Variants in FSD2 observed in about 807,000 individuals in gnomAD.
FSD2 encodes the protein fibronectin type III and SPRY domain containing 2, also known as fibronectin type III and SPRY domain-containing protein 2.
In FSD2, 71 loss-of-function variants were observed where a neutral mutation model predicts 80.4. The ratio of observed to expected loss-of-function variants is 0.88; its 90% CI spans 0.73 to 1.08. The LOEUF (loss-of-function observed/expected upper bound fraction) is 1.08, where lower values mean the gene tolerates loss of function less well. FSD2 is among the 50% of genes least tolerant of loss of function. FSD2 has a pLI of 0.00. For missense variants in FSD2, 923 were observed against 913.8 expected, an observed-to-expected ratio of 1.01 and a Z score of -0.13; for synonymous variants, 361 against 329.5, an observed-to-expected ratio of 1.10 and a Z score of -1.03.
intron 6 of FSD2, 142 bp downstream of exon 6, chr15:82,778,624 A>G: frequency 1.1e-6 from 1 of 909,568 alleles, no homozygotes. Context: ...TGTACAACAC[A>G]GTACCTGTAT....
intron 3 of FSD2, among the ~76,000 whole-genome samples, chr15:82,784,015 A>G (rs951240341): frequency 1.3e-5 from 2 of 152,296 alleles, no homozygotes; most frequent in Non-Finnish European, 1.5e-5. Context: ...TGTCATCCTC[A>G]TCAGATGATG....
Position 82,778,788 on chromosome 15 carries a change from C to G in FSD2, c.1089G>C (p.Met363Ile). 6.2e-7 allele frequency: 1 copy of G among 1,612,778 alleles called. No homozygotes were observed. Among genetic ancestry groups the G allele is most frequent in the South Asian group, 1.1e-5 (1 of 90,874 alleles). The part of the protein sequence containing the change: ...TLDFSDVEQL[M>I]GSINTIPAPS... ...CACCTGGAATGGTGTTAATGGAGCC[C>G]ATCAGCTGCTCCACATCAGAGAAAT... The change falls in exon 6 of 13, where the codon ATG becomes ATC. Residue 363 changes from methionine (M) to isoleucine (I), a missense_variant. Transcript: ENST00000334574.
chr15:82,762,078 G>T (rs778568712), intron 12 of FSD2, 24 bp downstream of exon 12: 7 of 1,538,596 alleles, frequency 4.5e-6, no homozygotes, highest in South Asian at 1.2e-5. Context: ...AATTTTAATT[G>T]TGAGTATCCA....
intron 1 of FSD2, among the ~76,000 whole-genome samples, chr15:82,789,128 C>G (rs2151524538): frequency 6.6e-6 from 1 of 152,010 alleles, no homozygotes; most frequent in East Asian, 1.9e-4. Context: ...TTTTAAGTAG[C>G]AAAAACTTTT....
chr15:82,756,062 A>C lies in FSD2; in HGVS notation c.*3286T>G, dbSNP rs538187875. On this transcript the variant is annotated 3_prime_UTR_variant, in exon 13 of 13. Coordinates refer to ENST00000334574, the MANE Select transcript of FSD2 (RefSeq NM_001007122.4). ...AAATAAATTCAAGACCTACTTATCT[A>C]CCAACAGCAATTACACGCTTTCCAT... The C allele has an allele frequency of 8.8e-5, 43 of 489,628 alleles. No homozygotes were observed. The highest frequency in any genetic ancestry group is 1.6e-4 in the Non-Finnish European group (39 of 242,356). The allele number at this position is 489,628 out of a possible 1,614,324, so 30.3% of individuals were successfully genotyped here. A position where few individuals can be genotyped will look rare whatever the true frequency, so the allele number is the denominator to read the frequency against.
At chr15:82,774,619 A>G (rs1337973464) in intron 6 of FSD2, among the ~76,000 whole-genome samples, 1 of 152,186 alleles carries the variant, frequency 6.6e-6, no homozygotes, top group Non-Finnish European at 1.5e-5. Context: ...CTAAAAACAG[A>G]TACCCAGGAG....
intron 1 of FSD2, among the ~76,000 whole-genome samples, chr15:82,790,602 G>C (rs2050121371): frequency 6.6e-6 from 1 of 151,778 alleles, no homozygotes; most frequent in African/African-American, 2.4e-5. Flanking sequence ...TTGAGACAGA[G>C]TCTCACTCTG....
At position 82,769,820 on chromosome 15, in the gene FSD2, A is replaced by C; in HGVS notation, c.1332T>G (p.Tyr444Ter). 6.2e-7 allele frequency: 1 copy of C among 1,613,868 alleles called. No homozygotes were observed. The highest frequency in any genetic ancestry group is 1.1e-5 in the South Asian group (1 of 91,078). Residue 444 changes from tyrosine (Y) to a stop codon, truncating the protein, a stop_gained, in exon 8 of 13, where the codon TAT becomes TAG. Coordinates refer to ENST00000334574, the MANE Select transcript of FSD2 (RefSeq NM_001007122.4). LOFTEE classifies it high-confidence loss of function. The part of the protein sequence containing the change: ...SVTNLVPNTQ[Y>*]EFWVTAHNRA... ...TGTTGTGAGCTGTGACCCAAAATTCATACTGGGTATTTGGCACAAGGTTTG... is the reference window on the plus strand; with the variant it reads ...TGTTGTGAGCTGTGACCCAAAATTCCTACTGGGTATTTGGCACAAGGTTTG...
chr15:82,790,828 G>A (rs1185615698), intron 1 of FSD2, among the ~76,000 whole-genome samples: 1 of 148,722 alleles, frequency 6.7e-6, no homozygotes, highest in Admixed American at 6.8e-5. Flanking sequence ...CTCGTGATCC[G>A]CCCACCTCGG....
At chr15:82,793,150 C>A (rs1221018074) in intron 1 of FSD2, among the ~76,000 whole-genome samples, 1 of 152,028 alleles carries the variant, frequency 6.6e-6, no homozygotes, top group African/African-American at 2.4e-5. Flanking sequence ...GGCTGGAGTG[C>A]AGTGGCACAA....
intron 6 of FSD2, among the ~76,000 whole-genome samples, chr15:82,774,004 G>C (rs2049652083): frequency 6.6e-6 from 1 of 152,128 alleles, no homozygotes; most frequent in Admixed American, 6.5e-5. Flanking sequence ...TGGTGAGAAG[G>C]GGAAAGCAAG....
chr15:82,785,173 AC>A (rs1270039202), intron 3 of FSD2, among the ~76,000 whole-genome samples: 4 of 152,046 alleles, frequency 2.6e-5, no homozygotes, highest in East Asian at 1.9e-4. Flanking sequence ...TCACATTCTT[AC>A]CCATGTCAAG....
chr15:82,773,678 G>A (rs1234248047), intron 6 of FSD2, among the ~76,000 whole-genome samples: 1 of 152,060 alleles, frequency 6.6e-6, no homozygotes, highest in Non-Finnish European at 1.5e-5. Context: ...ATCTCTCCTT[G>A]ACCCAGTGAT....
At chr15:82,778,153 T>TATATAC (rs2049766047) in intron 6 of FSD2, among the ~76,000 whole-genome samples, 1 of 138,312 alleles carries the variant, frequency 7.2e-6, no homozygotes, top group Non-Finnish European at 1.5e-5. Flanking sequence ...TATATATATA[T>TATATAC]ATATAATAAC....
chr15:82,770,394 G>A (rs1002261674), intron 7 of FSD2, among the ~76,000 whole-genome samples: 10 of 152,208 alleles, frequency 6.6e-5, no homozygotes, highest in Admixed American at 6.5e-5. Context: ...TAATAGGGCC[G>A]GGCGCGGTAG....
intron 7 of FSD2, among the ~76,000 whole-genome samples, chr15:82,771,592 C>T (rs1533136): frequency 0.48 from 72,306 of 152,106 alleles, 17,194 homozygotes; most frequent in Admixed American, 0.51. Flanking sequence ...CTCCTGGGAA[C>T]GTGGAGCTGA....
chr15:82,785,871 G>C (rs77631361), intron 3 of FSD2, among the ~76,000 whole-genome samples: 1 of 151,916 alleles, frequency 6.6e-6, no homozygotes, highest in Non-Finnish European at 1.5e-5. Flanking sequence ...TAGCAACCCG[G>C]GGATTCTCAG....
At chr15:82,794,340 C>G (rs761319321) in intron 1 of FSD2, among the ~76,000 whole-genome samples, 27 of 152,038 alleles carry the variant, frequency 1.8e-4, no homozygotes, top group Non-Finnish European at 3.5e-4. Context: ...GACCAGAAAA[C>G]ATATTTTGTA....
chr15:82,789,355 A>ATAATAG (rs1174874772), intron 1 of FSD2, among the ~76,000 whole-genome samples: 1 of 67,400 alleles, frequency 1.5e-5, no homozygotes, highest in African/African-American at 6.6e-5. Flanking sequence ...CTAGAAGGAT[A>ATAATAG]TAATAATAAT....
Sources: gnomAD v4.1 joint callset for allele counts (sites outside exome capture counted in the v4.1 genomes callset) on GRCh38, gnomAD v4.1.1 for gene constraint, MANE v1.5 for transcripts, NCBI Gene and HGNC (gene_info 2026-07-23, HGNC 2026-07-21) for gene names.